GAREM1: variants seen among roughly 807,000 people sequenced by gnomAD.
GAREM1 encodes GRB2 associated regulator of MAPK1 subtype 1, also known as GRB2-associated and regulator of MAPK protein 1.
Under a neutral mutation model 71.3 loss-of-function variants are expected in GAREM1, and 26 were observed. The observed-to-expected ratio is 0.36, with a 90% CI of 0.27 to 0.51. The LOEUF (loss-of-function observed/expected upper bound fraction) is 0.51. Among genes scored for constraint, GAREM1 ranks in the 20% least tolerant of loss-of-function variants. The pLI, the probability that GAREM1 is intolerant of heterozygous loss-of-function variation, is 0.95. For synonymous variants in GAREM1, 440 were observed against 433.2 expected (o/e 1.02, Z -0.20); for missense variants, 1,026 against 1,103.1 (o/e 0.93, Z 0.99).
Position 32,268,073 on chromosome 18 carries a change from C to G in GAREM1, c.2429G>C (p.Gly810Ala). ...CTTGGACACTTCCTCTATAGAGAGT[C>G]CTGATAGGTCAGCAGGTGGCTGCCA... Reference protein sequence around the residue: ...SPWQPPADLSGLSIEEVSKSL... With the variant: ...SPWQPPADLSALSIEEVSKSL... The change falls in exon 6 of 6, where the codon GGA (glycine) becomes GCA (alanine). Residue 810 changes from glycine (G) to alanine (A), a missense_variant. This residue lies in a region of GAREM1 where 636 missense variants were observed against 631.2 expected (regional missense o/e 1.01). Coordinates refer to ENST00000269209, the MANE Select transcript of GAREM1 (RefSeq NM_001242409.2). The G allele has an allele frequency of 6.2e-7, 1 of 1,614,132 alleles. No homozygotes were observed.
At chr18:32,384,505 G>A (rs1381015867) in intron 2 of GAREM1, among the ~76,000 whole-genome samples, 1 of 151,904 alleles carries the variant, frequency 6.6e-6, no homozygotes, top group East Asian at 1.9e-4. Flanking sequence ...GGAAAATTCG[G>A]GTAATGAACA....
At chr18:32,384,251 TC>T (rs2048124283) in intron 2 of GAREM1, among the ~76,000 whole-genome samples, 1 of 152,164 alleles carries the variant, frequency 6.6e-6, no homozygotes, top group Admixed American at 6.5e-5. Flanking sequence ...CATCATTTCT[TC>T]CTGAATTCAC....
chr18:32,385,405 ACT>A (rs1567989646), intron 2 of GAREM1, among the ~76,000 whole-genome samples: 1 of 150,556 alleles, frequency 6.6e-6, no homozygotes, highest in South Asian at 2.1e-4. Context: ...CACTTAAAAG[ACT>A]CTTTCCCCAG....
chr18:32,398,338 G>C (rs2048278228), intron 1 of GAREM1, among the ~76,000 whole-genome samples: 1 of 152,098 alleles, frequency 6.6e-6, no homozygotes, highest in Admixed American at 6.5e-5. Flanking sequence ...AGGAGATAGA[G>C]ACACAAAGAA....
chr18:32,271,397 T>A (rs1234715798), intron 4 of GAREM1, among the ~76,000 whole-genome samples: 2 of 152,092 alleles, frequency 1.3e-5, no homozygotes. Context: ...TTGACGATGT[T>A]GGCCAGGCTG....
intron 2 of GAREM1, among the ~76,000 whole-genome samples, chr18:32,336,215 G>C (rs1438188486): frequency 6.6e-6 from 1 of 152,102 alleles, no homozygotes; most frequent in Admixed American, 6.5e-5. Flanking sequence ...CGGATCATGA[G>C]GTCAGGAGAT....
intron 3 of GAREM1, among the ~76,000 whole-genome samples, chr18:32,307,389 A>G (rs190901857): frequency 1.9e-4 from 29 of 152,298 alleles, no homozygotes; most frequent in Admixed American, 9.2e-4. Flanking sequence ...TGCTTCTTGG[A>G]TAATAGCTAC....
chr18:32,470,254 C>T lies in GAREM1; in HGVS notation c.121+54G>A. On this transcript the variant is annotated intron_variant, in intron 1 of 5. Coordinates refer to ENST00000269209, the MANE Select transcript of GAREM1 (RefSeq NM_001242409.2). This position sits in a 1 kb window ranked among gnomAD's most constrained non-coding sequence, Gnocchi z 4.4. ...CCTCTCCAGCACACGCGCGCACACC[C>T]GCGTGGAGACGGCTGTCCTCGCCCG... is the stretch of plus-strand genomic sequence containing the variant. 7.1e-7 allele frequency: 1 copy of T among 1,415,228 alleles called. No individual in the cohort carries two copies. Among genetic ancestry groups the T allele is most frequent in the Non-Finnish European group, 9.3e-7 (1 of 1,075,566 alleles). The allele number at this position is 1,415,228 out of a possible 1,614,324, so 87.7% of individuals were successfully genotyped here.
At chr18:32,289,822 A>T (rs2047062527) in intron 3 of GAREM1, among the ~76,000 whole-genome samples, 1 of 152,222 alleles carries the variant, frequency 6.6e-6, no homozygotes, top group South Asian at 2.1e-4. Context: ...GCAAAGAATT[A>T]GCCAGTGCAA....
At chr18:32,334,826 T>G (rs1232028713) in intron 2 of GAREM1, among the ~76,000 whole-genome samples, 1 of 152,154 alleles carries the variant, frequency 6.6e-6, no homozygotes, top group Non-Finnish European at 1.5e-5. Context: ...ATTTCCCTCT[T>G]CTTGGTAGAA....
intron 2 of GAREM1, among the ~76,000 whole-genome samples, chr18:32,389,706 A>T (rs2048178020): frequency 6.6e-6 from 1 of 152,186 alleles, no homozygotes; most frequent in Non-Finnish European, 1.5e-5. Flanking sequence ...GAGCACAAAT[A>T]AGCTAGGGAG....
chr18:32,435,213 G>C (rs570749504), intron 1 of GAREM1, among the ~76,000 whole-genome samples: 1 of 151,996 alleles, frequency 6.6e-6, no homozygotes, highest in South Asian at 2.1e-4. Context: ...GGAGGCAGGA[G>C]AGCTGAATGC....
At chr18:32,326,989 T>G (rs1368605031) in intron 2 of GAREM1, among the ~76,000 whole-genome samples, 1 of 152,216 alleles carries the variant, frequency 6.6e-6, no homozygotes, top group East Asian at 1.9e-4. Flanking sequence ...AGGAGTGACT[T>G]TGTCAGGGAA....
intron 2 of GAREM1, among the ~76,000 whole-genome samples, chr18:32,376,124 G>A (rs1371080540): frequency 6.6e-6 from 1 of 152,210 alleles, no homozygotes; most frequent in Non-Finnish European, 1.5e-5. Flanking sequence ...AATCCTCCAT[G>A]TAAAGGTAAG....
chr18:32,370,358 G>A (rs1426242200), intron 2 of GAREM1, among the ~76,000 whole-genome samples: 1 of 151,012 alleles, frequency 6.6e-6, no homozygotes, highest in African/African-American at 2.4e-5. Flanking sequence ...AACCCAGGAA[G>A]TGGAGGTTGC....
chr18:32,424,009 G>C (rs908656969), intron 1 of GAREM1, among the ~76,000 whole-genome samples: 1 of 152,024 alleles, frequency 6.6e-6, no homozygotes, highest in Non-Finnish European at 1.5e-5. Context: ...GGTGGTACAT[G>C]CCTGTAGTCC....
intron 1 of GAREM1, among the ~76,000 whole-genome samples, chr18:32,399,887 A>T (rs2048295297): frequency 6.6e-6 from 1 of 152,248 alleles, no homozygotes; most frequent in Non-Finnish European, 1.5e-5. Flanking sequence ...CAAAAAGAAC[A>T]AAGCTGGAGG....
At chr18:32,397,822 C>T (rs1281140715) in intron 1 of GAREM1, among the ~76,000 whole-genome samples, 1 of 152,168 alleles carries the variant, frequency 6.6e-6, no homozygotes, top group South Asian at 2.1e-4. Flanking sequence ...ACCTAATAGA[C>T]ATCTACAGAA....
intron 1 of GAREM1, among the ~76,000 whole-genome samples, chr18:32,406,343 A>G (rs1335546947): frequency 6.6e-6 from 1 of 152,148 alleles, no homozygotes; most frequent in Non-Finnish European, 1.5e-5. Context: ...ATCCTCAAAC[A>G]TTTAAAATAA....
Sources: gnomAD v4.1 joint callset for allele counts (sites outside exome capture counted in the v4.1 genomes callset) on GRCh38, gnomAD v4.1.1 for gene constraint, gnomAD v4.1.1 regional missense constraint, Gnocchi (gnomAD v3.1) non-coding constraint, MANE v1.5 for transcripts, NCBI Gene and HGNC (gene_info 2026-07-23, HGNC 2026-07-21) for gene names.